Variants in TEX9 observed in about 807,000 individuals in gnomAD.
The protein encoded by TEX9 is testis-expressed protein 9.
Under a neutral mutation model 59.6 loss-of-function variants are expected in TEX9, and 74 were observed. That is an observed-to-expected ratio of 1.24 (90% CI 1.03 to 1.51). The LOEUF (loss-of-function observed/expected upper bound fraction) is 1.51. TEX9 is among the 40% of genes most tolerant of loss of function. The pLI is 0.00. For synonymous variants in TEX9, 186 were observed against 152.2 expected (o/e 1.22, Z -1.64); for missense variants, 522 against 447.8 (o/e 1.17, Z -1.49).
chr15:56,458,998 A>G, the TEX9 span, among the ~76,000 whole-genome samples: 2 of 152,208 alleles, frequency 1.3e-5, no homozygotes, highest in Non-Finnish European at 2.9e-5. Context: ...GTATGTACAC[A>G]CTATATATAG....
chr15:56,349,587 C>G (rs1393097812), intron 1 of TEX9, among the ~76,000 whole-genome samples: 2 of 152,038 alleles, frequency 1.3e-5, no homozygotes, highest in African/African-American at 2.4e-5. Flanking sequence ...AATAGGAAAC[C>G]CACACCCTGC....
rs570030171 is a variant in TEX9, at chr15:56,424,272, TAA to T, written c.964-3331_964-3330del. On this transcript the variant is annotated intron_variant, in intron 10 of 12. Coordinates refer to ENST00000352903, the Ensembl canonical transcript of TEX9. The stretch of plus-strand genomic sequence containing the variant: ...TTGGTATGTTTTAACAGTTTTGACT[TAA>T]AGTCTATTTTGTCAGATATTACTGT... Among the ~76,000 whole-genome samples, 83 of 152,308 alleles carry T rather than the reference TAA, an allele frequency of 5.4e-4. 1 individual carries two copies. Among genetic ancestry groups the T allele is most frequent in the South Asian group, 8.3e-4 (4 of 4,824 alleles).
At position 56,425,043 on chromosome 15, in the gene TEX9, C is replaced by T. The variant is rs77682522; in HGVS notation, c.964-2562C>T. On this transcript the variant is annotated intron_variant, in intron 10 of 12. Transcript: ENST00000352903. ...AGTATTCTTCTAGGTTTTTTTCTTT[C>T]AGCCCTTTAAATATATCATCCTACT... is the stretch of plus-strand genomic sequence containing the variant. Among the ~76,000 whole-genome samples, 1,433 of 151,952 alleles carry T rather than the reference C, an allele frequency of 9.4e-3. 23 individuals are homozygous for T. Among genetic ancestry groups the T allele is most frequent in the African/African-American group, 0.033 (1,388 of 41,458 alleles).
At chr15:56,411,135 C>G (rs1160144110) in intron 9 of TEX9, among the ~76,000 whole-genome samples, 2 of 152,162 alleles carry the variant, frequency 1.3e-5, no homozygotes, top group Non-Finnish European at 2.9e-5. Flanking sequence ...TATTGAGTAT[C>G]TTCTCAATTT....
intron 12 of TEX9, among the ~76,000 whole-genome samples, chr15:56,441,697 G>A (rs1015625958): frequency 2.6e-4 from 39 of 152,046 alleles, no homozygotes; most frequent in African/African-American, 9.2e-4. Flanking sequence ...TCTAAGGAAC[G>A]TAAACAAATT....
chr15:56,348,287 T>C (rs1481887816), intron 1 of TEX9, among the ~76,000 whole-genome samples: 1 of 152,088 alleles, frequency 6.6e-6, no homozygotes, highest in Non-Finnish European at 1.5e-5. Context: ...GAAGTACTCC[T>C]TCTCCTGGAA....
intron 1 of TEX9, among the ~76,000 whole-genome samples, chr15:56,247,010 T>A (rs760340991): frequency 1.3e-5 from 2 of 152,244 alleles, no homozygotes; most frequent in Non-Finnish European, 2.9e-5. Flanking sequence ...AGGAAATGAC[T>A]ATTTTATTTA....
chr15:56,248,467 A>G lies in TEX9; in HGVS notation c.-107+4189A>G, dbSNP rs145032915. 3.4e-3 allele frequency among the ~76,000 whole-genome samples: 518 copies of G among 152,294 alleles called. 1 individual carries two copies. Among genetic ancestry groups the G allele is most frequent in the South Asian group, 0.022 (108 of 4,828 alleles). Reference sequence around the variant, plus strand: ...CCTATCTGTACAAGTCATTCTTTCAAGTACCTTTGCTTATCTCTAAGGATT... The same window carrying G: ...CCTATCTGTACAAGTCATTCTTTCAGGTACCTTTGCTTATCTCTAAGGATT... On this transcript the variant is annotated intron_variant, in intron 1 of 5. Coordinates refer to the TEX9 transcript ENST00000560827.
chr15:56,348,015 T>A (rs2046505000), intron 1 of TEX9, among the ~76,000 whole-genome samples: 1 of 152,044 alleles, frequency 6.6e-6, no homozygotes, highest in Non-Finnish European at 1.5e-5. Flanking sequence ...TTTATAGACA[T>A]CAACATGAGA....
intron 1 of TEX9, among the ~76,000 whole-genome samples, chr15:56,267,103 T>G (rs2044403939): frequency 6.6e-6 from 1 of 152,258 alleles, no homozygotes; most frequent in Non-Finnish European, 1.5e-5. Flanking sequence ...TTCATGTGTC[T>G]GTTCACTGTA....
At chr15:56,428,323 A>G (rs753502132) in intron 11 of TEX9, 44 bp from the exon 12 acceptor site, 2 of 1,436,982 alleles carry the variant, frequency 1.4e-6, no homozygotes, top group Admixed American at 1.7e-5. Flanking sequence ...TTGGTGGCCT[A>G]CTCTTAATAC....
chr15:56,353,380 C>A (rs369088126), intron 1 of TEX9, among the ~76,000 whole-genome samples: 1 of 152,044 alleles, frequency 6.6e-6, no homozygotes, highest in Non-Finnish European at 1.5e-5. Flanking sequence ...ACTCAACTTC[C>A]GGTATTTTTA....
At chr15:56,428,326 C>A (rs368001296) in intron 11 of TEX9, 41 bp from the exon 12 acceptor site, 2 of 1,492,960 alleles carry the variant, frequency 1.3e-6, no homozygotes, top group Admixed American at 1.7e-5. Context: ...GTGGCCTACT[C>A]TTAATACTAA....
At chr15:56,314,627 T>C (rs1372282693) in intron 1 of TEX9, among the ~76,000 whole-genome samples, 2 of 152,160 alleles carry the variant, frequency 1.3e-5, no homozygotes, top group African/African-American at 2.4e-5. Flanking sequence ...GTATATTCTA[T>C]TGATTTGGGG....
intron 1 of TEX9, among the ~76,000 whole-genome samples, chr15:56,327,506 A>C (rs1037217391): frequency 1.6e-4 from 25 of 152,208 alleles, no homozygotes; most frequent in Admixed American, 1.2e-3. Flanking sequence ...TGTAACAAGT[A>C]TCTACACACA....
intron 3 of TEX9, among the ~76,000 whole-genome samples, chr15:56,376,856 G>A (rs1381039807): frequency 6.6e-6 from 1 of 152,032 alleles, no homozygotes; most frequent in African/African-American, 2.4e-5. Context: ...TTTCCCCAAT[G>A]TTTTCTTATA....
intron 12 of TEX9, chr15:56,434,167 C>G: frequency 1.9e-6 from 3 of 1,613,482 alleles, no homozygotes; most frequent in Admixed American, 1.7e-5. Context: ...TGGCGACGCT[C>G]TTCAATAAGT....
chr15:56,443,726 T>A, intron 12 of TEX9: 1 of 1,613,378 alleles, frequency 6.2e-7, no homozygotes, highest in Non-Finnish European at 8.5e-7. Context: ...GTTAGCAAAC[T>A]CTATGATTTT....
chr15:56,300,297 A>G (rs2045313170), intron 1 of TEX9, among the ~76,000 whole-genome samples: 1 of 151,436 alleles, frequency 6.6e-6, no homozygotes. Flanking sequence ...AGGAGAGGGA[A>G]GAGTGAGAAG....
Sources: allele counts gnomAD v4.1 joint callset (sites outside exome capture counted in the v4.1 genomes callset), GRCh38; gene constraint gnomAD v4.1.1; transcripts MANE v1.5; gene names NCBI Gene and HGNC (gene_info 2026-07-23, HGNC 2026-07-21).